Variants in AGMO observed in about 807,000 individuals in gnomAD.
The protein encoded by AGMO is glyceryl-ether monooxygenase.
Under a neutral mutation model 60.2 loss-of-function variants are expected in AGMO, and 75 were observed. The observed-to-expected ratio is 1.25, with a 90% CI of 1.03 to 1.51. The LOEUF (loss-of-function observed/expected upper bound fraction) is 1.51. AGMO is among the 40% of genes most tolerant of loss of function. AGMO has a pLI of 0.00. For synonymous variants in AGMO, 261 were observed against 177.1 expected, an observed-to-expected ratio of 1.47 and a Z score of -3.76; for missense variants, 763 against 525.5, an observed-to-expected ratio of 1.45 and a Z score of -4.42.
intron 5 of AGMO, among the ~76,000 whole-genome samples, chr7:15,395,853 G>A (rs150524003): frequency 3.3e-5 from 5 of 152,160 alleles, no homozygotes; most frequent in South Asian, 4.1e-4. Context: ...GACAACCTCT[G>A]GCATTAAAAC....
At chr7:15,299,178 T>C (rs1258225277) in intron 12 of AGMO, among the ~76,000 whole-genome samples, 1 of 152,142 alleles carries the variant, frequency 6.6e-6, no homozygotes, top group African/African-American at 2.4e-5. Flanking sequence ...TTATTTACTC[T>C]GAACAAGTTA....
chr7:15,135,517 G>A, the AGMO span, among the ~76,000 whole-genome samples: 1 of 152,006 alleles, frequency 6.6e-6, no homozygotes, highest in African/African-American at 2.4e-5. Flanking sequence ...GAATGAAAAG[G>A]GTTGTTTTAA....
In AGMO at chr7:15,357,132, T is replaced by TA. The variant is rs776555561; in HGVS notation, c.1263+8381dup. ...CTCATGAAAAAAAAAAAGAAAAAAA[T>TA]AGACATTTGGATAATACTGAAATAG... On this transcript the variant is annotated intron_variant, in intron 12 of 12. Transcript: ENST00000342526. 6.8e-4 allele frequency among the ~76,000 whole-genome samples: 101 copies of TA among 147,776 alleles called. 3 individuals are homozygous for TA. In the East Asian group the frequency reaches 0.015, roughly 22 times the overall value.
chr7:15,473,600 A>G (rs1209991358), intron 3 of AGMO, among the ~76,000 whole-genome samples: 2 of 152,270 alleles, frequency 1.3e-5, no homozygotes, highest in African/African-American at 2.4e-5. Flanking sequence ...CCCACAGCCA[A>G]TATCATACTG....
At chr7:15,394,284 AT>A in intron 5 of AGMO, 105 bp from the exon 6 acceptor site, 1 of 884,138 alleles carries the variant, frequency 1.1e-6, no homozygotes, top group Non-Finnish European at 1.8e-6. Flanking sequence ...GATATTGCGA[AT>A]TTCAGGGTTG....
chr7:15,336,835 T>C (rs1331247839), intron 12 of AGMO, among the ~76,000 whole-genome samples: 2 of 152,152 alleles, frequency 1.3e-5, no homozygotes, highest in African/African-American at 4.8e-5. Context: ...TAACATATAT[T>C]TCAGGCAAAT....
the AGMO span, among the ~76,000 whole-genome samples, chr7:15,125,413 A>T: frequency 6.6e-6 from 1 of 152,130 alleles, no homozygotes; most frequent in East Asian, 1.9e-4. Flanking sequence ...CAAGAGCCCC[A>T]TAGCTTAATG....
chr7:15,175,428 C>G, the AGMO span, among the ~76,000 whole-genome samples: 1 of 151,870 alleles, frequency 6.6e-6, no homozygotes, highest in South Asian at 2.1e-4. Flanking sequence ...GGGGAAAATT[C>G]ATGTAATTAA....
In AGMO at chr7:15,301,750, T is replaced by C. The variant is rs559635607; in HGVS notation, c.1263+63764A>G. Among the ~76,000 whole-genome samples the C allele has an allele frequency of 3.0e-4, 46 of 152,210 alleles. No individual in the cohort carries two copies. In the East Asian group the frequency reaches 7.5e-3, roughly 25 times the overall value. On this transcript the variant is annotated intron_variant, in intron 12 of 12. Coordinates refer to ENST00000342526, the MANE Select transcript of AGMO (RefSeq NM_001004320.2). ...TATAATAATATTGGATACATAACAGTGAAACCAATCTGAATTACATACATC... is the reference window on the plus strand; with the variant it reads ...TATAATAATATTGGATACATAACAGCGAAACCAATCTGAATTACATACATC...
chr7:15,552,015 A>C (rs1340679884), intron 2 of AGMO, among the ~76,000 whole-genome samples: 2 of 151,954 alleles, frequency 1.3e-5, no homozygotes, highest in African/African-American at 4.8e-5. Context: ...AAATAATGCC[A>C]CATATCTGCA....
chr7:15,484,141 T>C (rs1782847009), intron 3 of AGMO, among the ~76,000 whole-genome samples: 1 of 152,030 alleles, frequency 6.6e-6, no homozygotes, highest in South Asian at 2.1e-4. Flanking sequence ...ACTTTATATT[T>C]TCACAAAAAA....
the AGMO span, among the ~76,000 whole-genome samples, chr7:15,191,025 T>G: frequency 6.6e-6 from 1 of 152,164 alleles, no homozygotes; most frequent in African/African-American, 2.4e-5. Context: ...AAAATTCATC[T>G]TCAAGAAACT....
At chr7:15,173,343 T>C in the AGMO span, among the ~76,000 whole-genome samples, 1 of 152,162 alleles carries the variant, frequency 6.6e-6, no homozygotes, top group South Asian at 2.1e-4. Context: ...GCATGGTATA[T>C]CTGATTTGAT....
chr7:15,271,731 T>C (rs966949132), intron 12 of AGMO, among the ~76,000 whole-genome samples: 2 of 152,158 alleles, frequency 1.3e-5, no homozygotes, highest in African/African-American at 4.8e-5. Context: ...AAGTGGACAC[T>C]TTTTTCTTGT....
At chr7:15,421,722 T>A (rs139529943) in intron 4 of AGMO, among the ~76,000 whole-genome samples, 5 of 152,016 alleles carry the variant, frequency 3.3e-5, no homozygotes, top group African/African-American at 1.2e-4. Flanking sequence ...GTCTATGGGG[T>A]GTATGTCCAG....
At chr7:15,215,351 TC>T (rs1781706088) in intron 12 of AGMO, among the ~76,000 whole-genome samples, 1 of 152,100 alleles carries the variant, frequency 6.6e-6, no homozygotes, top group Non-Finnish European at 1.5e-5. Context: ...ATTTTATTTT[TC>T]TTTTTTTTCC....
In AGMO at chr7:15,371,224, T is replaced by C. The variant is rs114270684; in HGVS notation, c.1075-5002A>G. 1.0e-2 allele frequency among the ~76,000 whole-genome samples: 1,518 copies of C among 151,966 alleles called. 25 individuals carry two copies. Among genetic ancestry groups the C allele is most frequent in the African/African-American group, 0.035 (1,427 of 41,318 alleles). On this transcript the variant is annotated intron_variant, in intron 10 of 12. Coordinates refer to ENST00000342526, the MANE Select transcript of AGMO (RefSeq NM_001004320.2). ...ATATTAAATATTTAATAACAATGTT[T>C]TATTTTATTTTTGAAACAGAGTTTT...
chr7:15,323,699 G>A (rs1563087653), intron 12 of AGMO, among the ~76,000 whole-genome samples: 1 of 152,194 alleles, frequency 6.6e-6, no homozygotes, highest in Non-Finnish European at 1.5e-5. Flanking sequence ...AAAGGGCTAT[G>A]GGATGGAAAA....
intron 12 of AGMO, among the ~76,000 whole-genome samples, chr7:15,298,146 T>C (rs964141322): frequency 3.9e-5 from 6 of 152,134 alleles, no homozygotes; most frequent in Non-Finnish European, 5.9e-5. Flanking sequence ...GAGAAACAGA[T>C]AGACTACTTG....
Sources: gnomAD v4.1 joint callset for allele counts (sites outside exome capture counted in the v4.1 genomes callset) on GRCh38, gnomAD v4.1.1 for gene constraint, MANE v1.5 for transcripts, NCBI Gene and HGNC (gene_info 2026-07-23, HGNC 2026-07-21) for gene names.